Variants in PTPRN2 observed in about 807,000 individuals in gnomAD.
The protein encoded by PTPRN2 is protein tyrosine phosphatase receptor type N2.
In PTPRN2, 74 loss-of-function variants were observed where a neutral mutation model predicts 118.8. That is an observed-to-expected ratio of 0.62 (90% CI 0.52 to 0.76). The LOEUF is 0.76. Among genes scored for constraint, PTPRN2 ranks in the 30% least tolerant of loss-of-function variants. PTPRN2 has a pLI of 0.00. For synonymous variants in PTPRN2, 641 were observed against 608.0 expected (o/e 1.05, Z -0.80); for missense variants, 1,481 against 1,394.4 (o/e 1.06, Z -0.99).
At chr7:157,827,797 G>A (rs1199397949) in intron 12 of PTPRN2, among the ~76,000 whole-genome samples, 2 of 152,218 alleles carry the variant, frequency 1.3e-5, no homozygotes, top group African/African-American at 2.4e-5. Context: ...CCCCGCCCTC[G>A]CCGGCTGTGA....
At chr7:157,552,397 G>A (rs893714810) in intron 21 of PTPRN2, among the ~76,000 whole-genome samples, 6 of 152,022 alleles carry the variant, frequency 3.9e-5, no homozygotes, top group Admixed American at 1.3e-4. Flanking sequence ...GCTCAGAAAC[G>A]GGGAAATGTA....
intron 15 of PTPRN2, chr7:157,616,201 C>CT (rs1802763573): frequency 6.5e-6 from 1 of 154,432 alleles, no homozygotes; most frequent in South Asian, 2.0e-4. Flanking sequence ...TCTTACCAAC[C>CT]TATCGGTTCA....
chr7:158,164,192 T>G (rs1438901442), intron 6 of PTPRN2, among the ~76,000 whole-genome samples: 1 of 150,776 alleles, frequency 6.6e-6, no homozygotes, highest in African/African-American at 2.5e-5. Context: ...AGCTCCCCGG[T>G]GCATAAGAAA....
At chr7:157,735,719 T>C (rs1027477392) in intron 12 of PTPRN2, among the ~76,000 whole-genome samples, 18 of 152,200 alleles carry the variant, frequency 1.2e-4, no homozygotes, top group Non-Finnish European at 2.5e-4. Context: ...AGGCGCTTTC[T>C]TTAGTGACAC....
chr7:157,584,317 C>A (rs112097632), intron 17 of PTPRN2, among the ~76,000 whole-genome samples: 85 of 152,186 alleles, frequency 5.6e-4, no homozygotes, highest in Non-Finnish European at 1.3e-4. Context: ...AGACTATCAT[C>A]TCTTTAAAGA....
intron 2 of PTPRN2, among the ~76,000 whole-genome samples, chr7:158,355,350 C>A (rs1411623422): frequency 2.0e-5 from 3 of 152,194 alleles, no homozygotes; most frequent in Non-Finnish European, 4.4e-5. Flanking sequence ...CCTTTCCAAT[C>A]AAATGTTCTG....
rs1282551157 is a variant in PTPRN2, at chr7:158,509,218, CAGG to C, written c.113-19436_113-19434del. On this transcript the variant is annotated intron_variant, in intron 1 of 22. Transcript: ENST00000389418. The surrounding 1 kb of genome is among the most constrained non-coding windows in gnomAD (Gnocchi z 4.4). ...GGACCAGTGGACAGGCTGCAGCTCA[CAGG>C]GTCCTTGCTCAAAGGCGGCAGCAAA... Among the ~76,000 whole-genome samples the C allele has an allele frequency of 6.6e-6, 1 of 152,168 alleles. No homozygotes were observed. Among genetic ancestry groups the C allele is most frequent in the Non-Finnish European group, 1.5e-5 (1 of 68,036 alleles).
chr7:157,938,987 C>A (rs1321635019), intron 11 of PTPRN2, among the ~76,000 whole-genome samples: 1 of 152,234 alleles, frequency 6.6e-6, no homozygotes, highest in African/African-American at 2.4e-5. Context: ...CCCTGCAGTG[C>A]CTTGTGCATG....
At chr7:158,156,597 C>A (rs2150556239) in intron 6 of PTPRN2, among the ~76,000 whole-genome samples, 1 of 152,332 alleles carries the variant, frequency 6.6e-6, no homozygotes, top group African/African-American at 2.4e-5. Context: ...CAGGTGAACA[C>A]ACAGCTGCAG....
chr7:158,524,462 TGGA>T, intron 1 of PTPRN2, among the ~76,000 whole-genome samples: 1 of 126,170 alleles, frequency 7.9e-6, no homozygotes, highest in South Asian at 3.0e-4. Context: ...GAGTCTGCCC[TGGA>T]GCGGAGTCTG....
At chr7:158,523,583 GTGGAGT>G (rs1586864967) in intron 1 of PTPRN2, among the ~76,000 whole-genome samples, 6 of 138,642 alleles carry the variant, frequency 4.3e-5, no homozygotes, top group Admixed American at 2.1e-4. Flanking sequence ...CTGCCCTGGA[GTGGAGT>G]CATCTGCCCT....
chr7:158,393,301 G>A (rs1812084658), intron 2 of PTPRN2, among the ~76,000 whole-genome samples: 1 of 152,224 alleles, frequency 6.6e-6, no homozygotes, highest in Admixed American at 6.5e-5. Flanking sequence ...GAAAGGTCAA[G>A]TGTACTTAAC....
rs776899503 is a variant in PTPRN2 at position 157,550,028 on chromosome 7, C to T, written c.2903-1009G>A. Among the ~76,000 whole-genome samples, 14 of 152,232 alleles carry T rather than the reference C, an allele frequency of 9.2e-5. No homozygotes were observed. The highest frequency in any genetic ancestry group is 1.9e-4 in the Non-Finnish European group (13 of 68,044). On this transcript the variant is annotated intron_variant, in intron 21 of 22. Transcript: ENST00000389418. The surrounding 1 kb of genome is among the most constrained non-coding windows in gnomAD (Gnocchi z 5.2). ...CCGCAGCCATTGGAACCCCAACTAC[C>T]GTGGGCAGGACAGCGCTGGCCGAAG...
At chr7:158,482,275 GAAA>G (rs940645493) in intron 2 of PTPRN2, among the ~76,000 whole-genome samples, 2 of 152,166 alleles carry the variant, frequency 1.3e-5, no homozygotes, top group African/African-American at 4.8e-5. Flanking sequence ...TCTTAATTTT[GAAA>G]AATGTTCTAC....
intron 2 of PTPRN2, among the ~76,000 whole-genome samples, chr7:158,423,611 G>A (rs1815449682): frequency 6.6e-6 from 1 of 151,778 alleles, no homozygotes; most frequent in Admixed American, 6.6e-5. Context: ...TCAGCTCACT[G>A]CAACCTCCAC....
chr7:157,986,337 G>A lies in PTPRN2; in HGVS notation c.1724-87600C>T, dbSNP rs533041846. On this transcript the variant is annotated intron_variant, in intron 11 of 22. Transcript: ENST00000389418. The surrounding 1 kb of genome is among the most constrained non-coding windows in gnomAD (Gnocchi z 4.5). ...TCGCTTTAGGACCATGGACTCTGGC[G>A]GCAGATAATGGCCTGAGAGGTCAGC... 4.6e-5 allele frequency among the ~76,000 whole-genome samples: 7 copies of A among 152,196 alleles called. No homozygotes were observed. The highest frequency in any genetic ancestry group is 9.6e-5 in the African/African-American group (4 of 41,454).
Position 157,801,392 on chromosome 7 carries a change from C to T in PTPRN2, c.1788+97281G>A, listed in dbSNP as rs1443679512. 1.3e-5 allele frequency among the ~76,000 whole-genome samples: 2 copies of T among 152,124 alleles called. No homozygotes were observed. The highest frequency in any genetic ancestry group is 2.9e-5 in the Non-Finnish European group (2 of 68,018). On this transcript the variant is annotated intron_variant, in intron 12 of 22. Coordinates refer to ENST00000389418, the MANE Select transcript of PTPRN2 (RefSeq NM_002847.5). The surrounding 1 kb of genome is among the most constrained non-coding windows in gnomAD (Gnocchi z 4.2). ...AGAGCTGTCGAGGTTTATTTATTCA[C>T]GGAGAGGCTCTGCATCACGAGAGTG...
rs140803874 is a variant in PTPRN2, at chr7:157,788,746, C to T, written c.1789-105809G>A. On this transcript the variant is annotated intron_variant, in intron 12 of 22. Coordinates refer to ENST00000389418, the MANE Select transcript of PTPRN2 (RefSeq NM_002847.5). ...CCTCCGGGGCCACCCCACTGCCACG[C>T]GGGAGGCCTCGGGGGCCACATCTCC... Among the ~76,000 whole-genome samples, 447 of 152,272 alleles carry T rather than the reference C, an allele frequency of 2.9e-3. 2 individuals carry two copies. Among genetic ancestry groups the T allele is most frequent in the Non-Finnish European group, 4.8e-3 (325 of 68,018 alleles).
Position 158,130,700 on chromosome 7 carries a change from C to A in PTPRN2, c.1556+2977G>T, listed in dbSNP as rs1818131256. ...GTACATACAGACACACACATCTACC[C>A]AACACACACTCATATACACACATGC... On this transcript the variant is annotated intron_variant, in intron 9 of 22. Coordinates refer to ENST00000389418, the MANE Select transcript of PTPRN2 (RefSeq NM_002847.5). Among the ~76,000 whole-genome samples the A allele has an allele frequency of 2.7e-5, 2 of 74,158 alleles. 1 individual carries two copies. Among genetic ancestry groups the A allele is most frequent in the East Asian group, 7.2e-4 (2 of 2,764 alleles). The allele number at this position is 74,158 out of a possible 152,430, so 48.7% of individuals were successfully genotyped here.
Sources: gnomAD v4.1 joint callset for allele counts (sites outside exome capture counted in the v4.1 genomes callset) on GRCh38, gnomAD v4.1.1 for gene constraint, Gnocchi (gnomAD v3.1) non-coding constraint, MANE v1.5 for transcripts, NCBI Gene and HGNC (gene_info 2026-07-23, HGNC 2026-07-21) for gene names.